The following PKP4 variants were observed in gnomAD, a reference collection of about 807,000 sequenced individuals.
The protein encoded by PKP4 is plakophilin-4.
A neutral mutation model predicts 145.1 loss-of-function variants in PKP4; 90 were observed. The ratio of observed to expected loss-of-function variants is 0.62; its 90% confidence interval spans 0.52 to 0.74. The LOEUF is 0.74. Ranked by LOEUF, PKP4 falls within the 30% of genes least tolerant of loss-of-function variation. The pLI, the probability that PKP4 is intolerant of heterozygous loss-of-function variation, is 0.00. For missense variants in PKP4, 1,340 were observed against 1,482.7 expected (o/e 0.90, Z 1.58); for synonymous variants, 563 against 577.2 (o/e 0.98, Z 0.35).
intron 1 of PKP4, among the ~76,000 whole-genome samples, chr2:158,513,948 C>T (rs1006203204): frequency 1.5e-4 from 23 of 152,186 alleles, no homozygotes; most frequent in African/African-American, 5.3e-4. Flanking sequence ...TCCCTGACGA[C>T]CCCGCTCTCC....
At chr2:158,522,879 TG>T (rs2042532317) in intron 1 of PKP4, among the ~76,000 whole-genome samples, 1 of 152,172 alleles carries the variant, frequency 6.6e-6, no homozygotes, top group Non-Finnish European at 1.5e-5. Context: ...CGGACGCACC[TG>T]GAAAATCGGG....
At chr2:158,478,123 T>C (rs1271619309) in intron 1 of PKP4, among the ~76,000 whole-genome samples, 1 of 152,136 alleles carries the variant, frequency 6.6e-6, no homozygotes, top group Admixed American at 6.6e-5. Context: ...GTTTGAAGCT[T>C]AATGTTAACC....
intron 6 of PKP4, among the ~76,000 whole-genome samples, chr2:158,623,106 G>A (rs1467644824): frequency 6.6e-6 from 1 of 152,132 alleles, no homozygotes; most frequent in Admixed American, 6.5e-5. Context: ...TTTGGTAGTT[G>A]CAAGTCATGT....
intron 15 of PKP4, among the ~76,000 whole-genome samples, chr2:158,665,133 T>C (rs561899530): frequency 1.3e-5 from 2 of 152,302 alleles, no homozygotes; most frequent in African/African-American, 4.8e-5. Context: ...ACAGATGTTA[T>C]CAAGTAAGAA....
At chr2:158,593,381 C>G (rs962101307) in intron 3 of PKP4, among the ~76,000 whole-genome samples, 4 of 152,158 alleles carry the variant, frequency 2.6e-5, no homozygotes, top group Non-Finnish European at 5.9e-5. Context: ...TCTACTTTGA[C>G]TAGTTGGAAC....
chr2:158,522,784 C>A (rs1172500861), intron 1 of PKP4, among the ~76,000 whole-genome samples: 1 of 152,022 alleles, frequency 6.6e-6, no homozygotes, highest in African/African-American at 2.4e-5. Flanking sequence ...GCACCGTGCG[C>A]GAGCCAAAGC....
chr2:158,623,553 C>T (rs1022690183), intron 6 of PKP4, among the ~76,000 whole-genome samples: 10 of 152,116 alleles, frequency 6.6e-5, no homozygotes, highest in African/African-American at 2.4e-4. Flanking sequence ...TTGTTGTTTA[C>T]CATCCTCTTT....
chr2:158,557,129 A>G (rs1166469934), intron 2 of PKP4, among the ~76,000 whole-genome samples: 1 of 152,150 alleles, frequency 6.6e-6, no homozygotes, highest in Non-Finnish European at 1.5e-5. Context: ...GTTATTGTAG[A>G]ATTTAAATAA....
intron 2 of PKP4, among the ~76,000 whole-genome samples, chr2:158,534,633 C>T (rs1258382072): frequency 6.6e-6 from 1 of 152,116 alleles, no homozygotes; most frequent in Non-Finnish European, 1.5e-5. Flanking sequence ...TTTGGTGAAA[C>T]GTGGTAAATT....
chr2:158,578,410 G>A (rs1269700314), intron 3 of PKP4: 2 of 153,940 alleles, frequency 1.3e-5, no homozygotes, highest in Non-Finnish European at 2.9e-5. Context: ...AAATATCCAG[G>A]AAGGTTTTTA....
intron 11 of PKP4, among the ~76,000 whole-genome samples, chr2:158,650,495 G>A (rs1048694575): frequency 1.9e-4 from 29 of 152,106 alleles, no homozygotes; most frequent in African/African-American, 6.5e-4. Flanking sequence ...GCAGAGACTC[G>A]GGCTAACCCT....
chr2:158,470,935 T>C (rs1477704303), intron 1 of PKP4, among the ~76,000 whole-genome samples: 5 of 152,060 alleles, frequency 3.3e-5, no homozygotes, highest in African/African-American at 9.7e-5. Context: ...CAGTCTTCCT[T>C]AGGGCACTGG....
intron 2 of PKP4, among the ~76,000 whole-genome samples, chr2:158,544,555 G>A (rs2044808446): frequency 1.3e-5 from 2 of 151,986 alleles, no homozygotes; most frequent in South Asian, 4.2e-4. Flanking sequence ...TCGTTATATT[G>A]TATTAATTTC....
At chr2:158,485,341 C>T (rs115075929) in intron 1 of PKP4, among the ~76,000 whole-genome samples, 11 of 152,256 alleles carry the variant, frequency 7.2e-5, no homozygotes, top group South Asian at 4.1e-4. Context: ...CACGGAAACA[C>T]GTAACAGTTA....
chr2:158,579,690 A>G (rs922088068), intron 3 of PKP4, among the ~76,000 whole-genome samples: 1 of 152,180 alleles, frequency 6.6e-6, no homozygotes, highest in Non-Finnish European at 1.5e-5. Flanking sequence ...GTTAATAGGT[A>G]CACTCTAAAG....
intron 4 of PKP4, among the ~76,000 whole-genome samples, chr2:158,604,988 C>A (rs2050535330): frequency 6.6e-6 from 1 of 152,126 alleles, no homozygotes; most frequent in Non-Finnish European, 1.5e-5. Context: ...AGAGAATGAT[C>A]TGAAATCTGA....
At chr2:158,488,390 A>C (rs1009037334) in intron 1 of PKP4, among the ~76,000 whole-genome samples, 1 of 152,170 alleles carries the variant, frequency 6.6e-6, no homozygotes, top group African/African-American at 2.4e-5. Flanking sequence ...CTGACTGTTG[A>C]AGCTTTTCCA....
chr2:158,596,170 A>G (rs1326276150), intron 3 of PKP4, among the ~76,000 whole-genome samples: 2 of 152,196 alleles, frequency 1.3e-5, no homozygotes, highest in Non-Finnish European at 2.9e-5. Flanking sequence ...AATAAAGCCC[A>G]CCAATGGCAC....
At chr2:158,511,830 C>T (rs985915559) in intron 1 of PKP4, among the ~76,000 whole-genome samples, 9 of 151,886 alleles carry the variant, frequency 5.9e-5, no homozygotes, top group Non-Finnish European at 1.2e-4. Flanking sequence ...GAAGCACATG[C>T]AAACACAGGC....
Sources: gnomAD v4.1 joint callset for allele counts (sites outside exome capture counted in the v4.1 genomes callset) on GRCh38, gnomAD v4.1.1 for gene constraint, MANE v1.5 for transcripts, NCBI Gene and HGNC (gene_info 2026-07-23, HGNC 2026-07-21) for gene names.